Variants in KCNH7 observed in about 807,000 individuals in gnomAD.
KCNH7 encodes the protein voltage-gated inwardly rectifying potassium channel KCNH7.
In KCNH7, 49 loss-of-function variants were observed where a neutral mutation model predicts 120.8. The observed-to-expected ratio is 0.41, with a 90% CI of 0.32 to 0.51. The LOEUF (loss-of-function observed/expected upper bound fraction) is 0.51. Ranked by LOEUF, KCNH7 falls within the 20% of genes least tolerant of loss-of-function variation. The pLI is 0.38. For missense variants in KCNH7, 1,097 were observed against 1,446.6 expected (o/e 0.76, Z 3.92); for synonymous variants, 547 against 516.1 (o/e 1.06, Z -0.81).
chr2:162,458,534 T>C (rs1461730716), intron 6 of KCNH7, among the ~76,000 whole-genome samples: 2 of 152,156 alleles, frequency 1.3e-5, no homozygotes, highest in African/African-American at 4.8e-5. Flanking sequence ...CCCTCTTACC[T>C]GTCTCTTGGA....
At chr2:162,828,243 G>C (rs761705850) in intron 2 of KCNH7, among the ~76,000 whole-genome samples, 1 of 152,054 alleles carries the variant, frequency 6.6e-6, no homozygotes, top group African/African-American at 2.4e-5. Flanking sequence ...AATACCTTAA[G>C]ATTATGTTAC....
At chr2:162,833,040 G>A (rs1291803702) in intron 2 of KCNH7, among the ~76,000 whole-genome samples, 3 of 151,866 alleles carry the variant, frequency 2.0e-5, no homozygotes, top group African/African-American at 7.2e-5. Flanking sequence ...GCAAAATACA[G>A]GAACGCTCTG....
chr2:162,514,697 A>G (rs887799897), intron 4 of KCNH7, among the ~76,000 whole-genome samples: 3 of 151,728 alleles, frequency 2.0e-5, no homozygotes, highest in African/African-American at 7.2e-5. Context: ...TTCCAGTAGT[A>G]CATTTTTATT....
chr2:162,612,963 T>C (rs1005742266), intron 2 of KCNH7, among the ~76,000 whole-genome samples: 1 of 151,962 alleles, frequency 6.6e-6, no homozygotes, highest in African/African-American at 2.4e-5. Flanking sequence ...ATGAAAAATA[T>C]GACAGTTTAA....
chr2:162,792,286 T>C (rs1425508932), intron 2 of KCNH7, among the ~76,000 whole-genome samples: 1 of 152,128 alleles, frequency 6.6e-6, no homozygotes, highest in African/African-American at 2.4e-5. Flanking sequence ...ATCACAATGA[T>C]ACTGGGTCAT....
Position 162,504,735 on chromosome 2 carries a change from T to G in KCNH7, c.914-78A>C, listed in dbSNP as rs1690811884. 4 of 880,894 alleles carry G rather than the reference T, an allele frequency of 4.5e-6. No individual in the cohort carries two copies. In the South Asian group the frequency reaches 6.1e-5, roughly 13 times the overall value. The allele number at this position is 880,894 out of a possible 1,614,324, so 54.6% of individuals were successfully genotyped here. A position where few individuals can be genotyped will look rare whatever the true frequency, so the allele number is the denominator to read the frequency against. On this transcript the variant is annotated intron_variant, in intron 5 of 15. Coordinates refer to ENST00000332142, the MANE Select transcript of KCNH7 (RefSeq NM_033272.4). The stretch of plus-strand genomic sequence containing the variant: ...GAGACAGTTCTGAATGCCCTGCTAA[T>G]GATTCCTGACCAATATGATCCTGAT...
At chr2:162,750,951 T>G (rs769102486) in intron 2 of KCNH7, among the ~76,000 whole-genome samples, 6 of 152,328 alleles carry the variant, frequency 3.9e-5, no homozygotes, top group South Asian at 2.1e-4. Context: ...AAAATTTAAC[T>G]GGCTTTTTTC....
At chr2:162,649,246 AC>A (rs939207305) in intron 2 of KCNH7, among the ~76,000 whole-genome samples, 1 of 152,194 alleles carries the variant, frequency 6.6e-6, no homozygotes, top group Non-Finnish European at 1.5e-5. Flanking sequence ...ATGCACCAAA[AC>A]CTTTTTTTTG....
chr2:162,595,856 A>T (rs1369462343), intron 2 of KCNH7, among the ~76,000 whole-genome samples: 1 of 152,038 alleles, frequency 6.6e-6, no homozygotes, highest in African/African-American at 2.4e-5. Context: ...CAGCGAAATA[A>T]ATTGAGTAAA....
intron 2 of KCNH7, among the ~76,000 whole-genome samples, chr2:162,787,749 TC>T (rs1224585694): frequency 6.6e-6 from 1 of 151,628 alleles, no homozygotes; most frequent in Non-Finnish European, 1.5e-5. Flanking sequence ...AGTTTCCAGG[TC>T]CATCTCAGTA....
intron 2 of KCNH7, chr2:162,796,880 G>A (rs1290522333): frequency 6.6e-6 from 1 of 151,396 alleles, no homozygotes; most frequent in Non-Finnish European, 1.5e-5. Context: ...TTTGTGTAAT[G>A]TTGCAGCAGA....
intron 2 of KCNH7, among the ~76,000 whole-genome samples, chr2:162,588,989 C>A (rs1235355990): frequency 6.6e-6 from 1 of 152,032 alleles, no homozygotes; most frequent in Non-Finnish European, 1.5e-5. Flanking sequence ...GCCCTGACAC[C>A]CTGCCTAATC....
At chr2:162,382,851 G>A (rs1040666749) in intron 13 of KCNH7, among the ~76,000 whole-genome samples, 14 of 151,920 alleles carry the variant, frequency 9.2e-5, no homozygotes, top group African/African-American at 3.1e-4. Context: ...TAATTAGCCA[G>A]GCTAACCATG....
chr2:162,782,418 G>A (rs1683534681), intron 2 of KCNH7, among the ~76,000 whole-genome samples: 1 of 152,196 alleles, frequency 6.6e-6, no homozygotes, highest in Non-Finnish European at 1.5e-5. Context: ...AATGAGTCAT[G>A]TGGCTATTTT....
At chr2:162,512,510 C>G in intron 5 of KCNH7, 144 bp downstream of exon 5, 1 of 598,828 alleles carries the variant, frequency 1.7e-6, no homozygotes, top group East Asian at 2.8e-5. Context: ...CAAAATCAAG[C>G]CATGATGTCT....
chr2:162,371,728 C>A lies in KCNH7; in HGVS notation c.*101G>T, dbSNP rs183509596. 4.5e-4 allele frequency: 507 copies of A among 1,130,214 alleles called. No homozygotes were observed. Among genetic ancestry groups the A allele is most frequent in the East Asian group, 1.4e-3 (56 of 39,796 alleles). The allele number at this position is 1,130,214 out of a possible 1,614,324, so 70.0% of individuals were successfully genotyped here. ...TACAGTACTTTTGCATATAATGGTACCTTGTGAGCCCCTGAGTCAAGTAGA... is the reference window on the plus strand; with the variant it reads ...TACAGTACTTTTGCATATAATGGTAACTTGTGAGCCCCTGAGTCAAGTAGA... On this transcript the variant is annotated 3_prime_UTR_variant, in exon 16 of 16. Coordinates refer to ENST00000332142, the MANE Select transcript of KCNH7 (RefSeq NM_033272.4).
chr2:162,834,855 C>A (rs148467458), intron 2 of KCNH7, among the ~76,000 whole-genome samples: 1 of 152,008 alleles, frequency 6.6e-6, no homozygotes, highest in Non-Finnish European at 1.5e-5. Flanking sequence ...TAATGTCATA[C>A]TTAAATTCTA....
chr2:162,653,822 T>C (rs1574225213), intron 2 of KCNH7, among the ~76,000 whole-genome samples: 1 of 152,248 alleles, frequency 6.6e-6, no homozygotes, highest in Admixed American at 6.5e-5. Flanking sequence ...TGGAACAGAA[T>C]AGACAGCCCA....
intron 6 of KCNH7, among the ~76,000 whole-genome samples, chr2:162,496,219 G>T (rs1307708216): frequency 6.6e-6 from 1 of 152,044 alleles, no homozygotes; most frequent in East Asian, 1.9e-4. Context: ...AGCCGTTGGG[G>T]GTCTCCACTC....
Sources: gnomAD v4.1 joint callset for allele counts (sites outside exome capture counted in the v4.1 genomes callset) on GRCh38, gnomAD v4.1.1 for gene constraint, MANE v1.5 for transcripts, NCBI Gene and HGNC (gene_info 2026-07-23, HGNC 2026-07-21) for gene names.